The following SLC4A4 variants were observed in gnomAD, a reference collection of about 807,000 sequenced individuals.
SLC4A4 encodes the protein solute carrier family 4 member 4, also known as electrogenic sodium bicarbonate cotransporter 1.
SLC4A4 carries 27 observed loss-of-function variants against 111.5 expected under a neutral mutation model. That is an observed-to-expected ratio of 0.24 (90% confidence interval 0.18 to 0.33). The LOEUF is 0.33. Ranked by LOEUF, SLC4A4 falls within the 10% of genes least tolerant of loss-of-function variation. The probability of loss-of-function intolerance (pLI) is 1.00; values close to 1 mark genes in which losing one functional copy is unlikely to be tolerated. For synonymous variants in SLC4A4, 443 were observed against 463.4 expected (o/e 0.96, Z 0.57); for missense variants, 909 against 1,315.5 (o/e 0.69, Z 4.78).
chr4:71,346,212 A>T (rs1729316308), intron 4 of SLC4A4, among the ~76,000 whole-genome samples: 1 of 152,098 alleles, frequency 6.6e-6, no homozygotes, highest in African/African-American at 2.4e-5. Context: ...AAATGTCTTA[A>T]ACTGCAAAGT....
chr4:71,414,816 A>G (rs1721695493), intron 7 of SLC4A4, among the ~76,000 whole-genome samples: 1 of 152,172 alleles, frequency 6.6e-6, no homozygotes, highest in Non-Finnish European at 1.5e-5. Flanking sequence ...TATGTTTAGC[A>G]TCTCTTTTTT....
In SLC4A4 at chr4:71,148,797, C is replaced by G. The variant is rs182545457; in HGVS notation, c.-2+56005C>G. Among the ~76,000 whole-genome samples, 56 of 152,194 alleles carry G rather than the reference C, an allele frequency of 3.7e-4. No homozygotes were observed. In the East Asian group the frequency reaches 5.2e-3, roughly 14 times the overall value. On this transcript the variant is annotated intron_variant, in intron 2 of 26. Transcript: ENST00000649996. ...CCACATTTCCTTTATTCTAAATACC[C>G]CTTGATGGGCATTTGTGTTGATTCA...
intron 14 of SLC4A4, among the ~76,000 whole-genome samples, chr4:71,477,281 A>C (rs1025040166): frequency 2.6e-5 from 4 of 151,774 alleles, no homozygotes; most frequent in Non-Finnish European, 5.9e-5. Flanking sequence ...CACCTAATGG[A>C]CACTGAGTAA....
At chr4:71,130,001 G>C (rs930238109) in intron 2 of SLC4A4, among the ~76,000 whole-genome samples, 4 of 152,046 alleles carry the variant, frequency 2.6e-5, no homozygotes, top group African/African-American at 9.7e-5. Context: ...GGAGGAAGGA[G>C]GGTGAGGATT....
At chr4:71,537,417 A>G (rs1335750867) in intron 18 of SLC4A4, among the ~76,000 whole-genome samples, 9 of 103,770 alleles carry the variant, frequency 8.7e-5, no homozygotes, top group African/African-American at 2.3e-4. Context: ...ATATGTGTGT[A>G]TATATACATA....
intron 20 of SLC4A4, 123 bp downstream of exon 20, chr4:71,547,843 C>G (rs1031050959): frequency 4.8e-6 from 4 of 842,074 alleles, no homozygotes; most frequent in Non-Finnish European, 8.2e-6. Flanking sequence ...CACACTGAAG[C>G]AGGGGTCAAG....
chr4:71,343,246 G>A (rs1269426020), intron 4 of SLC4A4, among the ~76,000 whole-genome samples: 2 of 152,110 alleles, frequency 1.3e-5, no homozygotes, highest in African/African-American at 4.8e-5. Context: ...TCAGGGTTCT[G>A]TATAATTATT....
intron 7 of SLC4A4, chr4:71,436,981 AG>A (rs2149050584): frequency 5.7e-6 from 2 of 351,468 alleles, no homozygotes; most frequent in South Asian, 4.5e-5. Flanking sequence ...TTAAAAAAAA[AG>A]ATTCTTCAAA....
intron 3 of SLC4A4, among the ~76,000 whole-genome samples, chr4:71,322,502 TAG>T (rs1469516732): frequency 6.6e-6 from 1 of 152,036 alleles, no homozygotes; most frequent in Admixed American, 6.6e-5. Flanking sequence ...AACAAATCTG[TAG>T]AGTTTATTTT....
intron 18 of SLC4A4, among the ~76,000 whole-genome samples, chr4:71,538,244 T>A (rs1327027435): frequency 1.3e-5 from 2 of 152,288 alleles, no homozygotes; most frequent in East Asian, 3.9e-4. Context: ...ATTCAGAATT[T>A]AGAATTTCGG....
chr4:71,163,312 A>T (rs1744657715), intron 2 of SLC4A4, among the ~76,000 whole-genome samples: 1 of 152,212 alleles, frequency 6.6e-6, no homozygotes, highest in South Asian at 2.1e-4. Context: ...GTGTGCCCCA[A>T]ATCAGCCACA....
chr4:71,236,448 G>C (rs557628967), intron 1 of SLC4A4, 128 bp from the exon 2 acceptor site: 1 of 858,808 alleles, frequency 1.2e-6, no homozygotes. Context: ...GACACCAGAA[G>C]AAGAGTGACT....
chr4:71,263,175 A>G (rs967039461), intron 3 of SLC4A4, among the ~76,000 whole-genome samples: 1 of 152,052 alleles, frequency 6.6e-6, no homozygotes, highest in African/African-American at 2.4e-5. Flanking sequence ...CAACAATGTA[A>G]CAAAGTTTCC....
intron 7 of SLC4A4, among the ~76,000 whole-genome samples, chr4:71,432,460 T>C (rs1723725464): frequency 6.6e-6 from 1 of 152,102 alleles, no homozygotes; most frequent in Non-Finnish European, 1.5e-5. Flanking sequence ...CTTGGCAACT[T>C]GATGTTTTTT....
In SLC4A4 at chr4:71,487,136, G is replaced by C. The variant is rs566714080; in HGVS notation, c.1974+118G>C. 4 of 611,522 alleles carry C rather than the reference G, an allele frequency of 6.5e-6. No homozygotes were observed. In the Admixed American group the frequency reaches 9.7e-5, roughly 15 times the overall value. 37.9% of individuals were successfully genotyped at this position (611,522 alleles called of 1,614,324 possible). The stretch of plus-strand genomic sequence containing the variant: ...CAGCAATTCTGGCATGAACACATAC[G>C]TAACAATTATTGACAGTGGAGGGAC... On this transcript the variant is annotated intron_variant, in intron 15 of 25. Coordinates refer to ENST00000264485, the MANE Select transcript of SLC4A4 (RefSeq NM_001098484.3).
At chr4:71,392,281 A>C (rs531109456) in intron 6 of SLC4A4, among the ~76,000 whole-genome samples, 81 of 152,226 alleles carry the variant, frequency 5.3e-4, no homozygotes, top group Admixed American at 3.9e-4. Context: ...GAAAAGCCAG[A>C]TAACCTCTTT....
chr4:71,260,021 C>T (rs116599287), intron 3 of SLC4A4, among the ~76,000 whole-genome samples: 1 of 152,188 alleles, frequency 6.6e-6, no homozygotes, highest in Non-Finnish European at 1.5e-5. Context: ...TATGTCCATA[C>T]AGACACTCAT....
At chr4:71,447,597 G>A (rs1437634386) in intron 8 of SLC4A4, 49 bp from the exon 9 acceptor site, 4 of 1,164,816 alleles carry the variant, frequency 3.4e-6, no homozygotes, top group South Asian at 1.2e-5. Flanking sequence ...TGTATGTTGA[G>A]TTTGATGAAA....
chr4:71,181,424 T>C lies in SLC4A4; in HGVS notation c.-1-55152T>C, dbSNP rs1053801587. On this transcript the variant is annotated intron_variant, in intron 2 of 26. Coordinates refer to the SLC4A4 transcript ENST00000649996. ...GATAAGTCTTCCTCCCTATGCCTGC[T>C]CTAGTTCCCCTTCCTGGAAGCAAAT... 2.6e-5 allele frequency among the ~76,000 whole-genome samples: 4 copies of C among 152,166 alleles called. No individual in the cohort carries two copies. In the East Asian group the frequency reaches 7.7e-4, roughly 29 times the overall value.
Sources: allele counts gnomAD v4.1 joint callset (sites outside exome capture counted in the v4.1 genomes callset), GRCh38; gene constraint gnomAD v4.1.1; transcripts MANE v1.5; gene names NCBI Gene and HGNC (gene_info 2026-07-23, HGNC 2026-07-21).